PPP1R16B: variants seen among roughly 807,000 people sequenced by gnomAD.
PPP1R16B encodes protein phosphatase 1 regulatory subunit 16B, also known as protein phosphatase 1 regulatory inhibitor subunit 16B.
Under a neutral mutation model 61.7 loss-of-function variants are expected in PPP1R16B, and 14 were observed. That is an observed-to-expected ratio of 0.23 (90% CI 0.15 to 0.35). The LOEUF (loss-of-function observed/expected upper bound fraction) is 0.35, where lower values mean the gene tolerates loss of function less well. Ranked by LOEUF, PPP1R16B falls within the 10% of genes least tolerant of loss-of-function variation. The probability of loss-of-function intolerance (pLI) is 1.00; values close to 1 mark genes in which losing one functional copy is unlikely to be tolerated. For synonymous variants in PPP1R16B, 266 were observed against 305.3 expected (o/e 0.87, Z 1.34); for missense variants, 547 against 752.5 (o/e 0.73, Z 3.19).
At position 38,819,108 on chromosome 20, in the gene PPP1R16B, T is replaced by A. The variant is rs146124688; in HGVS notation, c.-102+13316T>A. Among the ~76,000 whole-genome samples, 313 of 152,016 alleles carry A rather than the reference T, an allele frequency of 2.1e-3. 2 individuals carry two copies. Among genetic ancestry groups the A allele is most frequent in the African/African-American group, 7.1e-3 (295 of 41,470 alleles). ...TTCTTGCAAGAAAAAGGAAAAAAAA[T>A]AAAAAAGAGCATGGGCTTCAGTGTC... On this transcript the variant is annotated intron_variant, in intron 1 of 10. Coordinates refer to ENST00000299824, the MANE Select transcript of PPP1R16B (RefSeq NM_015568.4).
chr20:38,886,463 G>A (rs1407816646), intron 2 of PPP1R16B, among the ~76,000 whole-genome samples: 1 of 152,116 alleles, frequency 6.6e-6, no homozygotes, highest in Non-Finnish European at 1.5e-5. Flanking sequence ...CCACCCCATG[G>A]GATTTGAACC....
At chr20:38,852,742 G>A (rs1470522533) in intron 2 of PPP1R16B, among the ~76,000 whole-genome samples, 1 of 78,186 alleles carries the variant, frequency 1.3e-5, no homozygotes, top group Non-Finnish European at 2.3e-5. Context: ...AGGGACCACT[G>A]TTTCCTTTTT....
chr20:38,881,883 C>T (rs2085206024), intron 2 of PPP1R16B, among the ~76,000 whole-genome samples: 1 of 152,120 alleles, frequency 6.6e-6, no homozygotes, highest in African/African-American at 2.4e-5. Flanking sequence ...TTGTTTGGTA[C>T]CATTTTAGCA....
chr20:38,830,713 A>G (rs2084831287), intron 1 of PPP1R16B, among the ~76,000 whole-genome samples: 1 of 152,210 alleles, frequency 6.6e-6, no homozygotes, highest in African/African-American at 2.4e-5. Context: ...TGAAAGATTA[A>G]AAGAGAAGTG....
At chr20:38,861,152 A>G (rs2145737031) in intron 2 of PPP1R16B, among the ~76,000 whole-genome samples, 1 of 152,320 alleles carries the variant, frequency 6.6e-6, no homozygotes, top group Middle Eastern at 3.4e-3. Context: ...CCCCAGTTCT[A>G]TGACACACCT....
Position 38,907,862 on chromosome 20 carries a change from G to A in PPP1R16B, c.955G>A (p.Asp319Asn), listed in dbSNP as rs761710396. Residue 319 changes from aspartate (D) to asparagine (N), a missense_variant, in exon 9 of 11, where the codon GAT (aspartate) becomes AAT (asparagine). Asp to Asn is a conservative substitution (Grantham distance 23, BLOSUM62 1). Transcript: ENST00000299824. This position sits in a 1 kb window ranked among gnomAD's most constrained non-coding sequence, Gnocchi z 4.5. ...VLLLELKHKH[D>N]VIMKSQLRHK... ...GCTGCTGGAGCTAAAACACAAGCAT[G>A]ATGTGATCATGAAGTCACAGCTGAG... 2 of 1,614,194 alleles carry A rather than the reference G, an allele frequency of 1.2e-6. No homozygotes were observed. The highest frequency in any genetic ancestry group is 3.3e-5 in the Admixed American group (2 of 60,012).
At chr20:38,814,354 G>A (rs2084721775) in intron 1 of PPP1R16B, among the ~76,000 whole-genome samples, 1 of 152,124 alleles carries the variant, frequency 6.6e-6, no homozygotes, top group Non-Finnish European at 1.5e-5. Context: ...GAGGGGGGAA[G>A]GCTAGCAATG....
At chr20:38,898,833 A>G (rs1039408721) in intron 4 of PPP1R16B, among the ~76,000 whole-genome samples, 5 of 152,018 alleles carry the variant, frequency 3.3e-5, no homozygotes, top group Non-Finnish European at 7.4e-5. Context: ...CAACAACAAC[A>G]ACAACAACAA....
intron 6 of PPP1R16B, among the ~76,000 whole-genome samples, chr20:38,905,202 C>T (rs2085430093): frequency 6.6e-6 from 1 of 152,150 alleles, no homozygotes; most frequent in African/African-American, 2.4e-5. Flanking sequence ...TTAGGAACAG[C>T]TTAACTGGGT....
intron 2 of PPP1R16B, among the ~76,000 whole-genome samples, chr20:38,883,653 C>T (rs1054786903): frequency 1.3e-5 from 2 of 152,238 alleles, no homozygotes; most frequent in African/African-American, 2.4e-5. Flanking sequence ...CCAGCATATG[C>T]TCAGAGCTCC....
chr20:38,861,658 C>CCTG (rs2085051785), intron 2 of PPP1R16B, among the ~76,000 whole-genome samples: 1 of 151,458 alleles, frequency 6.6e-6, no homozygotes, highest in Non-Finnish European at 1.5e-5. Flanking sequence ...TGGGCCCTGG[C>CCTG]CTGCTGCAGT....
intron 2 of PPP1R16B, among the ~76,000 whole-genome samples, chr20:38,882,552 G>A (rs1175287472): frequency 2.0e-5 from 3 of 152,104 alleles, no homozygotes; most frequent in East Asian, 1.9e-4. Flanking sequence ...GGCCTCACTC[G>A]ATTTTGTACA....
In PPP1R16B at chr20:38,836,415, G is replaced by C. The variant is rs372182413; in HGVS notation, c.250+240G>C. On this transcript the variant is annotated intron_variant, in intron 2 of 10. Transcript: ENST00000299824. ...CTCCCAGGCTGGAGTATAGTGGCGC[G>C]ATCTCAGCTCGCTGCAACCTCTGCC... Among the ~76,000 whole-genome samples, 3 of 152,232 alleles carry C rather than the reference G, an allele frequency of 2.0e-5. No individual in the cohort carries two copies. The East Asian group carries it at 5.8e-4, about 29-fold the overall frequency.
chr20:38,883,513 G>A (rs2085218485), intron 2 of PPP1R16B, among the ~76,000 whole-genome samples: 1 of 152,250 alleles, frequency 6.6e-6, no homozygotes, highest in Non-Finnish European at 1.5e-5. Flanking sequence ...AGGCGGAGCA[G>A]CGGGGTCGGC....
chr20:38,890,668 G>A (rs2085285490), intron 3 of PPP1R16B, among the ~76,000 whole-genome samples: 1 of 152,208 alleles, frequency 6.6e-6, no homozygotes, highest in African/African-American at 2.4e-5. Flanking sequence ...CATACCTCTT[G>A]CTTATGAGTG....
intron 2 of PPP1R16B, among the ~76,000 whole-genome samples, chr20:38,855,475 A>G (rs2084997698): frequency 6.6e-6 from 1 of 152,044 alleles, no homozygotes; most frequent in African/African-American, 2.4e-5. Flanking sequence ...ATTGGTTTCT[A>G]TATAGTCATT....
At chr20:38,855,591 A>G (rs2084998444) in intron 2 of PPP1R16B, among the ~76,000 whole-genome samples, 1 of 152,164 alleles carries the variant, frequency 6.6e-6, no homozygotes, top group East Asian at 1.9e-4. Flanking sequence ...AATCAGATCC[A>G]TAATGAAGCT....
chr20:38,877,534 AATCCTGACGTCAGGTGATCC>A (rs1241177053), intron 2 of PPP1R16B, among the ~76,000 whole-genome samples: 1 of 152,022 alleles, frequency 6.6e-6, no homozygotes, highest in Non-Finnish European at 1.5e-5. Flanking sequence ...CTGATCTCGA[AATCCTGACGTCAGGTGATCC>A]ATCCGCCTCG....
chr20:38,820,985 G>T (rs915799990), intron 1 of PPP1R16B, among the ~76,000 whole-genome samples: 1 of 148,266 alleles, frequency 6.7e-6, no homozygotes, highest in Admixed American at 6.8e-5. Context: ...AGCTTGCAGT[G>T]AGCTGAGATC....
Sources: allele counts gnomAD v4.1 joint callset (sites outside exome capture counted in the v4.1 genomes callset), GRCh38; gene constraint gnomAD v4.1.1; non-coding constraint Gnocchi (gnomAD v3.1); transcripts MANE v1.5; gene names NCBI Gene and HGNC (gene_info 2026-07-23, HGNC 2026-07-21).